Variants in FHOD3 observed in about 807,000 individuals in gnomAD.
FHOD3 encodes FH1/FH2 domain-containing protein 3.
FHOD3 carries 90 observed loss-of-function variants against 173.0 expected under a neutral mutation model. The ratio of observed to expected loss-of-function variants is 0.52; its 90% CI spans 0.44 to 0.62. FHOD3 has a LOEUF of 0.62. Ranked by LOEUF, FHOD3 falls within the 20% of genes least tolerant of loss-of-function variation. The pLI is 0.00. For synonymous variants in FHOD3, 828 were observed against 823.0 expected, an observed-to-expected ratio of 1.01 and a Z score of -0.10; for missense variants, 1,945 against 2,034.7, an observed-to-expected ratio of 0.96 and a Z score of 0.85.
chr18:36,338,778 C>T (rs925888599), intron 1 of FHOD3, among the ~76,000 whole-genome samples: 35 of 152,264 alleles, frequency 2.3e-4, no homozygotes, highest in African/African-American at 7.2e-4. Flanking sequence ...CCTGGGCCTT[C>T]GTATCACAGA....
At chr18:36,576,067 C>T (rs1026428044) in intron 5 of FHOD3, among the ~76,000 whole-genome samples, 5 of 152,220 alleles carry the variant, frequency 3.3e-5, no homozygotes, top group African/African-American at 9.6e-5. Flanking sequence ...CTTTTGGAAA[C>T]TTCGTTTGTC....
intron 5 of FHOD3, among the ~76,000 whole-genome samples, chr18:36,573,064 G>C (rs915331160): frequency 2.0e-5 from 3 of 151,832 alleles, no homozygotes; most frequent in Non-Finnish European, 4.4e-5. Flanking sequence ...GGGTGGGGGT[G>C]GTGGTGGTAA....
intron 1 of FHOD3, among the ~76,000 whole-genome samples, chr18:36,343,208 A>T (rs1311880345): frequency 6.6e-6 from 1 of 152,230 alleles, no homozygotes; most frequent in Non-Finnish European, 1.5e-5. Flanking sequence ...TACACAGACA[A>T]ATGTTATAGT....
intron 17 of FHOD3, among the ~76,000 whole-genome samples, chr18:36,701,761 C>T (rs547485137): frequency 3.3e-4 from 50 of 152,246 alleles, no homozygotes; most frequent in South Asian, 2.9e-3. Context: ...GTTCCACTGA[C>T]GCTAAATTAA....
intron 5 of FHOD3, among the ~76,000 whole-genome samples, chr18:36,574,485 A>G (rs1406548028): frequency 6.6e-6 from 1 of 152,016 alleles, no homozygotes; most frequent in Non-Finnish European, 1.5e-5. Context: ...TTATTCTTTA[A>G]CATATTTGTT....
At position 36,400,159 on chromosome 18, in the gene FHOD3, GGTTT is replaced by G. The variant is rs1420328812; in HGVS notation, c.337+27416_337+27419del. The stretch of plus-strand genomic sequence containing the variant: ...ATGGGTAATTTTAATTAGTTTTCAA[GGTTT>G]ATTTTTGTATGTTTGTAGAGCCATG... On this transcript the variant is annotated intron_variant, in intron 3 of 28. Transcript: ENST00000590592. Among the ~76,000 whole-genome samples the G allele has an allele frequency of 3.3e-5, 5 of 152,054 alleles. No individual in the cohort carries two copies. The South Asian group carries it at 8.3e-4, about 25-fold the overall frequency.
chr18:36,718,745 T>C, intron 19 of FHOD3, 30 bp downstream of exon 19: 3 of 1,594,750 alleles, frequency 1.9e-6, no homozygotes, highest in Non-Finnish European at 2.6e-6. Context: ...TGCTTCTTGA[T>C]TGGAAGTTGG....
intron 3 of FHOD3, among the ~76,000 whole-genome samples, chr18:36,447,806 G>A (rs1479623761): frequency 1.3e-5 from 2 of 152,170 alleles, no homozygotes; most frequent in South Asian, 2.1e-4. Context: ...ATAGTGTAGC[G>A]ACCTGGAAAA....
chr18:36,693,495 G>T (rs1269786675), intron 17 of FHOD3, 72 bp downstream of exon 17: 5 of 1,353,040 alleles, frequency 3.7e-6, no homozygotes, highest in South Asian at 1.3e-5. Context: ...CAGTAGTGAT[G>T]ATTTCAACCT....
At chr18:36,739,235 G>A (rs1243084076) in intron 20 of FHOD3, among the ~76,000 whole-genome samples, 2 of 152,066 alleles carry the variant, frequency 1.3e-5, no homozygotes, top group East Asian at 1.9e-4. Flanking sequence ...CCCTCAATTT[G>A]TGTTGACCTG....
chr18:36,515,367 G>A (rs2055910617), intron 5 of FHOD3, among the ~76,000 whole-genome samples: 1 of 152,132 alleles, frequency 6.6e-6, no homozygotes, highest in Admixed American at 6.5e-5. Flanking sequence ...ACAGGCGCCT[G>A]CCACCACACC....
intron 13 of FHOD3, among the ~76,000 whole-genome samples, chr18:36,654,079 T>C (rs2036248859): frequency 6.6e-6 from 1 of 152,162 alleles, no homozygotes; most frequent in Non-Finnish European, 1.5e-5. Flanking sequence ...TCAGTCACTT[T>C]CTCTCCTTAC....
intron 3 of FHOD3, among the ~76,000 whole-genome samples, chr18:36,482,822 A>AACACAC (rs1202251220): frequency 0.047 from 4,346 of 91,568 alleles, 144 homozygotes; most frequent in East Asian, 0.21. Context: ...CCGGTGAACA[A>AACACAC]ACACACACAC....
chr18:36,584,142 T>C (rs2058948604), intron 6 of FHOD3, among the ~76,000 whole-genome samples: 1 of 152,182 alleles, frequency 6.6e-6, no homozygotes, highest in African/African-American at 2.4e-5. Context: ...TTTTTCCTGC[T>C]GCTTTGTATA....
intron 24 of FHOD3, among the ~76,000 whole-genome samples, chr18:36,750,271 G>A (rs904904336): frequency 2.0e-5 from 3 of 152,204 alleles, no homozygotes; most frequent in African/African-American, 7.2e-5. Flanking sequence ...CTGGGAGACA[G>A]AGGAAGACTC....
At chr18:36,773,523 C>T (rs1031179207) in intron 28 of FHOD3, among the ~76,000 whole-genome samples, 5 of 152,182 alleles carry the variant, frequency 3.3e-5, no homozygotes, top group Admixed American at 6.5e-5. Context: ...CTGGGTCTCA[C>T]GAGTGACTTG....
chr18:36,662,855 A>C (rs577164488), intron 14 of FHOD3, among the ~76,000 whole-genome samples: 5 of 152,176 alleles, frequency 3.3e-5, no homozygotes, highest in Admixed American at 1.3e-4. Context: ...ATAACTCCTT[A>C]TATCCCTCTT....
At chr18:36,363,426 T>C (rs1342139740) in intron 2 of FHOD3, among the ~76,000 whole-genome samples, 1 of 152,216 alleles carries the variant, frequency 6.6e-6, no homozygotes, top group Admixed American at 6.5e-5. Flanking sequence ...AAACAAACCA[T>C]AGTATTTGTC....
At chr18:36,771,609 A>G (rs1394893008) in intron 28 of FHOD3, among the ~76,000 whole-genome samples, 2 of 152,166 alleles carry the variant, frequency 1.3e-5, no homozygotes, top group African/African-American at 4.8e-5. Flanking sequence ...GTTGCCCTTT[A>G]TTGGCTTCCT....
Sources: allele counts gnomAD v4.1 joint callset (sites outside exome capture counted in the v4.1 genomes callset), GRCh38; gene constraint gnomAD v4.1.1; transcripts MANE v1.5; gene names NCBI Gene and HGNC (gene_info 2026-07-23, HGNC 2026-07-21).